Variants in L3MBTL4 observed in about 807,000 individuals in gnomAD.
The protein encoded by L3MBTL4 is L3MBTL histone methyl-lysine binding protein 4.
In L3MBTL4, 70 loss-of-function variants were observed where a neutral mutation model predicts 84.5. The observed-to-expected ratio is 0.83, with a 90% CI of 0.68 to 1.01. L3MBTL4 has a LOEUF of 1.01. Among genes scored for constraint, L3MBTL4 ranks in the 50% least tolerant of loss-of-function variants. L3MBTL4 has a pLI of 0.00. For synonymous variants in L3MBTL4, 274 were observed against 259.8 expected, an observed-to-expected ratio of 1.05 and a Z score of -0.52; for missense variants, 715 against 754.8, an observed-to-expected ratio of 0.95 and a Z score of 0.62.
At position 6,219,875 on chromosome 18, in the gene L3MBTL4, C is replaced by G. The variant is rs184216228; in HGVS notation, c.785-4040G>C. Reference sequence around the variant, plus strand: ...ACAGGCTGCAGGGAAGTGGTGGCCTCGAGAGGGACAAAGGAGGAGGCCCTG... The same window carrying G: ...ACAGGCTGCAGGGAAGTGGTGGCCTGGAGAGGGACAAAGGAGGAGGCCCTG... On this transcript the variant is annotated intron_variant, in intron 10 of 18. Coordinates refer to ENST00000317931, the MANE Select transcript of L3MBTL4 (RefSeq NM_001330559.2). Among the ~76,000 whole-genome samples the G allele has an allele frequency of 4.6e-5, 7 of 151,872 alleles. No individual in the cohort carries two copies. In the East Asian group the frequency reaches 1.4e-3, roughly 30 times the overall value.
At chr18:6,163,758 G>A (rs533647605) in intron 13 of L3MBTL4, among the ~76,000 whole-genome samples, 7 of 152,148 alleles carry the variant, frequency 4.6e-5, no homozygotes, top group Admixed American at 1.3e-4. Context: ...CATGAGTGAC[G>A]CAGAAGACAG....
intron 1 of L3MBTL4, among the ~76,000 whole-genome samples, chr18:6,346,707 A>G (rs2052922646): frequency 6.6e-6 from 1 of 152,100 alleles, no homozygotes; most frequent in African/African-American, 2.4e-5. Flanking sequence ...ATATTGGCAA[A>G]TATGTGGAGA....
chr18:6,357,417 A>G (rs1361627809), intron 1 of L3MBTL4, among the ~76,000 whole-genome samples: 2 of 152,192 alleles, frequency 1.3e-5, no homozygotes, highest in South Asian at 2.1e-4. Flanking sequence ...CCTTCTTTCC[A>G]TTCTGCAGCT....
intron 10 of L3MBTL4, among the ~76,000 whole-genome samples, chr18:6,219,756 C>T (rs763440615): frequency 4.6e-5 from 7 of 151,918 alleles, no homozygotes; most frequent in Non-Finnish European, 5.9e-5. Flanking sequence ...ACAGCCTGAA[C>T]GCTCAGGAAG....
In L3MBTL4 at chr18:6,414,886, T is replaced by A. The variant is rs1460500237; in HGVS notation, c.-176A>T. The stretch of plus-strand genomic sequence containing the variant: ...AGCGCGAGGTTCCGCCAGCCCAGGC[T>A]GCGGCGCCGCTGCCCCGCGGTGCCC... On this transcript the variant is annotated 5_prime_UTR_variant, in exon 1 of 19. Coordinates refer to ENST00000317931, the MANE Select transcript of L3MBTL4 (RefSeq NM_001330559.2). The surrounding 1 kb of genome is among the most constrained non-coding windows in gnomAD (Gnocchi z 5.4). 1 of 149,212 alleles carries A rather than the reference T, an allele frequency of 6.7e-6. No homozygotes were observed. The highest frequency in any genetic ancestry group is 1.5e-5 in the Non-Finnish European group (1 of 66,990). 9.2% of individuals were successfully genotyped at this position (149,212 alleles called of 1,614,324 possible).
chr18:6,387,968 A>C (rs985074888), intron 1 of L3MBTL4, among the ~76,000 whole-genome samples: 1 of 152,212 alleles, frequency 6.6e-6, no homozygotes, highest in Non-Finnish European at 1.5e-5. Context: ...CACACTATCT[A>C]GAGTGTGGAG....
chr18:6,109,497 G>T (rs2059123089), intron 14 of L3MBTL4, among the ~76,000 whole-genome samples: 1 of 152,124 alleles, frequency 6.6e-6, no homozygotes, highest in South Asian at 2.1e-4. Flanking sequence ...TTGCTGGCCT[G>T]AGCACCCCTC....
At position 6,193,493 on chromosome 18, in the gene L3MBTL4, T is replaced by C. The variant is rs142656145; in HGVS notation, c.981+19656A>G. On this transcript the variant is annotated intron_variant, in intron 12 of 18. Transcript: ENST00000317931. Reference sequence around the variant, plus strand: ...GTGCAAGGGCTGCAGAGCAGCAATATCCTCAGTGAGAAACAGGCAGAGCAG... The same window carrying C: ...GTGCAAGGGCTGCAGAGCAGCAATACCCTCAGTGAGAAACAGGCAGAGCAG... Among the ~76,000 whole-genome samples, 345 of 152,270 alleles carry C rather than the reference T, an allele frequency of 2.3e-3. 3 individuals are homozygous for C. Among genetic ancestry groups the C allele is most frequent in the Admixed American group, 0.021 (316 of 15,298 alleles).
intron 1 of L3MBTL4, chr18:6,396,071 T>C (rs577463117): frequency 6.6e-6 from 1 of 152,354 alleles, no homozygotes; most frequent in African/African-American, 2.4e-5. Flanking sequence ...AAGAAAATGC[T>C]ATTTTAATCT....
intron 12 of L3MBTL4, among the ~76,000 whole-genome samples, chr18:6,196,408 T>TTC (rs2045398106): frequency 6.6e-6 from 1 of 152,144 alleles, no homozygotes; most frequent in Non-Finnish European, 1.5e-5. Context: ...CTGCCCACCC[T>TTC]GGCCTCCCAA....
intron 16 of L3MBTL4, chr18:6,017,725 C>A (rs1024964076): frequency 6.6e-6 from 1 of 152,156 alleles, no homozygotes; most frequent in African/African-American, 2.4e-5. Context: ...TTTCATTTAG[C>A]CCTGCCTAAG....
intron 3 of L3MBTL4, among the ~76,000 whole-genome samples, chr18:6,307,298 G>A (rs1293262223): frequency 2.6e-5 from 4 of 151,522 alleles, no homozygotes; most frequent in South Asian, 2.1e-4. Context: ...TGAGCTGAAC[G>A]TGGTGGTGCG....
At chr18:6,004,624 G>A (rs1051909548) in intron 16 of L3MBTL4, among the ~76,000 whole-genome samples, 1 of 152,160 alleles carries the variant, frequency 6.6e-6, no homozygotes, top group African/African-American at 2.4e-5. Context: ...TCCACTGATA[G>A]ATGAACAGAT....
chr18:6,359,642 G>C (rs185564172), intron 1 of L3MBTL4, among the ~76,000 whole-genome samples: 2 of 151,826 alleles, frequency 1.3e-5, no homozygotes, highest in Non-Finnish European at 2.9e-5. Context: ...GGATTTCTAG[G>C]GAAAATCTTA....
chr18:6,130,683 C>T (rs1474781087), intron 14 of L3MBTL4, among the ~76,000 whole-genome samples: 1 of 151,994 alleles, frequency 6.6e-6, no homozygotes, highest in East Asian at 1.9e-4. Context: ...GTGTTCTACT[C>T]ATTTGGAAAA....
At position 6,243,411 on chromosome 18, in the gene L3MBTL4, T is replaced by A; in HGVS notation, c.343A>T (p.Arg115Ter). ...CTTAAATAACCATCAAAATGAAGTC[T>A]TAGACGGTAACCACAAACCTGCAAG... ...SVAEVCGYRL[R>*]LHFDGYLSCY... is the part of the protein sequence containing the mutation. Residue 115 changes from arginine to a stop codon, truncating the protein, a stop_gained, in exon 7 of 19, where the codon AGA (arginine) becomes TGA (stop). Transcript: ENST00000317931. LOFTEE classifies it high-confidence loss of function. 1 of 1,604,748 alleles carries A rather than the reference T, an allele frequency of 6.2e-7. No individual in the cohort carries two copies. The highest frequency in any genetic ancestry group is 2.2e-5 in the East Asian group (1 of 44,626).
intron 14 of L3MBTL4, among the ~76,000 whole-genome samples, chr18:6,106,526 C>T (rs1283990933): frequency 1.3e-5 from 2 of 152,146 alleles, no homozygotes; most frequent in Non-Finnish European, 2.9e-5. Context: ...ATGGGATGAA[C>T]TGTAATGTGG....
chr18:6,022,881 C>T (rs762421204), intron 16 of L3MBTL4, among the ~76,000 whole-genome samples: 11 of 152,214 alleles, frequency 7.2e-5, no homozygotes, highest in Non-Finnish European at 1.6e-4. Context: ...TGTTAGTCCT[C>T]AGGCAGTGGT....
At chr18:6,074,835 A>C (rs2057804735) in intron 16 of L3MBTL4, among the ~76,000 whole-genome samples, 1 of 152,154 alleles carries the variant, frequency 6.6e-6, no homozygotes, top group South Asian at 2.1e-4. Context: ...GACATATTCC[A>C]GCTAAAAATT....
Sources: gnomAD v4.1 joint callset for allele counts (sites outside exome capture counted in the v4.1 genomes callset) on GRCh38, gnomAD v4.1.1 for gene constraint, Gnocchi (gnomAD v3.1) non-coding constraint, MANE v1.5 for transcripts, NCBI Gene and HGNC (gene_info 2026-07-23, HGNC 2026-07-21) for gene names.